Variants in EMC1 observed in about 807,000 individuals in gnomAD.
EMC1 encodes ER membrane protein complex subunit 1.
In EMC1, 103 loss-of-function variants were observed where a neutral mutation model predicts 128.8. That is an observed-to-expected ratio of 0.80 (90% CI 0.68 to 0.94). The LOEUF (loss-of-function observed/expected upper bound fraction) is 0.94. Among genes scored for constraint, EMC1 ranks in the 40% least tolerant of loss-of-function variants. The pLI is 0.00. For synonymous variants in EMC1, 442 were observed against 490.4 expected (o/e 0.90, Z 1.30); for missense variants, 1,083 against 1,250.6 (o/e 0.87, Z 2.02).
chr1:19,251,458 G>C lies in EMC1; in HGVS notation c.52C>G (p.Pro18Ala), dbSNP rs1356408223. The change falls in exon 1 of 23, where the codon CCT becomes GCT. Residue 18 changes from proline (P) to alanine (A), a missense_variant. Physicochemically the swap from Pro to Ala is conservative, Grantham distance 27. Around this residue, in one of 3 missense-constraint regions of EMC1, gnomAD observed 544 missense variants for 572.4 expected, o/e 0.95. Coordinates refer to ENST00000477853, the MANE Select transcript of EMC1 (RefSeq NM_015047.3). ...RFWLWATLLIPAAAVYEDQVG... is the reference protein window; with the variant it reads ...RFWLWATLLIAAAAVYEDQVG... The stretch of plus-strand genomic sequence containing the variant: ...TGGTCTTCGTAGACCGCGGCCGCAG[G>C]AATCAGCAGCGTAGCCCAAAGCCAG... 7 of 1,614,174 alleles carry C rather than the reference G, an allele frequency of 4.3e-6. No homozygotes were observed.
intron 18 of EMC1, among the ~76,000 whole-genome samples, chr1:19,225,252 C>T (rs2093463765): frequency 6.6e-6 from 1 of 152,202 alleles, no homozygotes; most frequent in South Asian, 2.1e-4. Flanking sequence ...TGCGGTGGCT[C>T]ATGCCTGTAA....
At chr1:19,223,746 C>T (rs1232761369) in intron 18 of EMC1, among the ~76,000 whole-genome samples, 177 bp from the exon 19 acceptor site, 1 of 152,198 alleles carries the variant, frequency 6.6e-6, no homozygotes, top group Non-Finnish European at 1.5e-5. Context: ...GCATTGGGTA[C>T]TGGGTGCCAT....
In EMC1 at chr1:19,239,863, C is replaced by T; in HGVS notation, c.909G>A (p.Leu303=). The T allele has an allele frequency of 6.2e-7, 1 of 1,614,100 alleles. No homozygotes were observed. Among genetic ancestry groups the T allele is most frequent in the Non-Finnish European group, 8.5e-7 (1 of 1,180,004 alleles). Residue 303 remains leucine, a synonymous_variant, in exon 8 of 23, where the codon CTG becomes CTA. Transcript: ENST00000477853. ...AACTCAGCGTTCCATAATGGTACTG[C>T]AGCAGAGCATAGTGGCTTGGGGACA... is the stretch of plus-strand genomic sequence containing the variant. ...LHLSPSHYAL[L]QYHYGTLSLL...
At chr1:19,246,628 C>T (rs2093633212) in intron 1 of EMC1, among the ~76,000 whole-genome samples, 1 of 151,802 alleles carries the variant, frequency 6.6e-6, no homozygotes, top group Non-Finnish European at 1.5e-5. Context: ...TATAAAAGTA[C>T]AAAAATTAGC....
chr1:19,226,900 G>A (rs753933831), intron 18 of EMC1, among the ~76,000 whole-genome samples: 1 of 152,058 alleles, frequency 6.6e-6, no homozygotes, highest in South Asian at 2.1e-4. Flanking sequence ...CATGACATGT[G>A]CCTGTGGTTC....
Position 19,223,564 on chromosome 1 carries a change from C to T in EMC1, c.2208G>A (p.Leu736=). 1 of 1,613,868 alleles carries T rather than the reference C, an allele frequency of 6.2e-7. No individual in the cohort carries two copies. The change falls in exon 19 of 23, where the codon CTG becomes CTA. Residue 736 remains leucine, a synonymous_variant. Transcript: ENST00000477853. ...TCACCACGGCCAGCAGGTTGGGGTT[C>T]AGGCTCTGGAGAGAGAGAGAAAACC... is the stretch of plus-strand genomic sequence containing the variant. ...MGDRSVLYKS[L]NPNLLAVVTE... is the part of the protein sequence containing the mutation.
chr1:19,222,296 C>CA (rs979370318), intron 20 of EMC1, among the ~76,000 whole-genome samples: 8 of 151,574 alleles, frequency 5.3e-5, no homozygotes, highest in African/African-American at 1.7e-4. Context: ...CTGTCTCTAC[C>CA]AAAAAAAATT....
chr1:19,222,854 C>G lies in EMC1; in HGVS notation c.2377-20G>C, dbSNP rs1405313737. On this transcript the variant is annotated intron_variant, in intron 19 of 22. Transcript: ENST00000477853. The stretch of plus-strand genomic sequence containing the variant: ...CTGGTACTGCAGGGATAGGAGGTGG[C>G]AGCTCAGGGCTTAGCAGCTGCTTCA... 1 of 1,568,616 alleles carries G rather than the reference C, an allele frequency of 6.4e-7. No individual in the cohort carries two copies. Among genetic ancestry groups the G allele is most frequent in the Non-Finnish European group, 8.7e-7 (1 of 1,150,664 alleles).
chr1:19,234,284 C>T (rs2093546586), intron 13 of EMC1: 12 of 503,216 alleles, frequency 2.4e-5, no homozygotes, highest in Non-Finnish European at 3.1e-5. Flanking sequence ...CCAGAGCAGG[C>T]CCTCAACAGC....
chr1:19,232,792 C>G lies in EMC1; in HGVS notation c.1633-19G>C. On this transcript the variant is annotated intron_variant, in intron 14 of 22. Coordinates refer to ENST00000477853, the MANE Select transcript of EMC1 (RefSeq NM_015047.3). ...CAAAAAGCTGCAAGATAAACAAATA[C>G]TTGGCTCACTACTAGAAAGAGAAAC... 6.2e-7 allele frequency: 1 copy of G among 1,614,008 alleles called. No homozygotes were observed.
chr1:19,233,695 C>T (rs1466734906), intron 13 of EMC1, among the ~76,000 whole-genome samples: 1 of 152,228 alleles, frequency 6.6e-6, no homozygotes, highest in Non-Finnish European at 1.5e-5. Flanking sequence ...CCCTCCAAAT[C>T]TCCTCCATTG....
At chr1:19,234,485 C>A (rs758834119) in intron 13 of EMC1, among the ~76,000 whole-genome samples, 3 of 152,156 alleles carry the variant, frequency 2.0e-5, no homozygotes, top group Non-Finnish European at 2.9e-5. Flanking sequence ...GCTTTAGGGA[C>A]AATGAGTATA....
At chr1:19,243,811 A>G in intron 3 of EMC1, 104 bp from the exon 4 acceptor site, 2 of 1,422,422 alleles carry the variant, frequency 1.4e-6, no homozygotes, top group South Asian at 2.3e-5. Flanking sequence ...GGATGCAAAT[A>G]CATGTTAAAC....
intron 1 of EMC1, among the ~76,000 whole-genome samples, chr1:19,247,524 G>A (rs971618046): frequency 2.0e-5 from 3 of 152,100 alleles, no homozygotes; most frequent in Non-Finnish European, 2.9e-5. Context: ...CATTAATCAC[G>A]TTTGCGGTGA....
At chr1:19,237,772 T>C (rs938453926) in intron 11 of EMC1, among the ~76,000 whole-genome samples, 10 of 152,208 alleles carry the variant, frequency 6.6e-5, no homozygotes, top group African/African-American at 2.2e-4. Flanking sequence ...TGAGAGTGTT[T>C]GGAGGGTTAA....
At chr1:19,238,755 C>A (rs1457985793) in intron 10 of EMC1, 40 bp downstream of exon 10, 6 of 1,428,082 alleles carry the variant, frequency 4.2e-6, no homozygotes, top group Middle Eastern at 1.8e-4. Context: ...TGGCCTCCTG[C>A]GTCTCTAGGT....
Position 19,222,647 on chromosome 1 carries a change from C to T in EMC1, c.2564G>A (p.Gly855Asp). The change falls in exon 20 of 23, where the codon GGC becomes GAC. Residue 855 changes from glycine to aspartate, a missense_variant. This residue lies in a region of EMC1 where 527 missense variants were observed against 644.1 expected (regional missense o/e 0.82). Transcript: ENST00000477853. Reference sequence around the variant, plus strand: ...ACTCAGCAGGTGTCGGCTGGTGATGCCCCGTTCGGTGATGGTGGCCTCCAT... The same window carrying T: ...ACTCAGCAGGTGTCGGCTGGTGATGTCCCGTTCGGTGATGGTGGCCTCCAT... ...SAMEATITER[G>D]ITSRHLLIGL... The T allele has an allele frequency of 6.2e-7, 1 of 1,613,854 alleles. No homozygotes were observed. The highest frequency in any genetic ancestry group is 8.5e-7 in the Non-Finnish European group (1 of 1,180,010).
At chr1:19,245,090 T>A (rs1016380937) in intron 1 of EMC1, 60 bp from the exon 2 acceptor site, 1 of 1,588,656 alleles carries the variant, frequency 6.3e-7, no homozygotes, top group African/African-American at 1.4e-5. Context: ...CACAAAATGC[T>A]CCGGAAAAAA....
rs1389918571 is a variant in EMC1 at position 19,234,598 on chromosome 1, A to C, written c.1432+532T>G. On this transcript the variant is annotated intron_variant, in intron 13 of 22. Transcript: ENST00000477853. ...GCAGCAGCTCACGCCTGTAATCCCC[A>C]ACACTTTGGGAGGCCAAAGCTGGCA... is the stretch of plus-strand genomic sequence containing the variant. Among the ~76,000 whole-genome samples the C allele has an allele frequency of 2.6e-5, 4 of 152,226 alleles. No homozygotes were observed. In the East Asian group the frequency reaches 7.7e-4, roughly 29 times the overall value.
Sources: gnomAD v4.1 joint callset for allele counts (sites outside exome capture counted in the v4.1 genomes callset) on GRCh38, gnomAD v4.1.1 for gene constraint, gnomAD v4.1.1 regional missense constraint, MANE v1.5 for transcripts, NCBI Gene and HGNC (gene_info 2026-07-23, HGNC 2026-07-21) for gene names.